LCN9: variants seen among roughly 807,000 people sequenced by gnomAD.
LCN9 encodes epididymal-specific lipocalin-9.
LCN9 carries 22 observed loss-of-function variants against 18.5 expected under a neutral mutation model. That is an observed-to-expected ratio of 1.19 (90% confidence interval 0.85 to 1.70). The LOEUF (loss-of-function observed/expected upper bound fraction) is 1.70, where lower values mean the gene tolerates loss of function less well. LCN9 is among the 40% of genes most tolerant of loss of function. LCN9 has a pLI of 0.00. For synonymous variants in LCN9, 89 were observed against 83.0 expected, an observed-to-expected ratio of 1.07 and a Z score of -0.39; for missense variants, 202 against 201.3, an observed-to-expected ratio of 1.00 and a Z score of -0.02.
At chr9:135,663,928 G>T (rs11103129) in intron 1 of LCN9, among the ~76,000 whole-genome samples, 5,484 of 133,952 alleles carry the variant, frequency 0.041, 183 homozygotes, top group Non-Finnish European at 0.065. Context: ...GGGAGACCTG[G>T]GGGGCAGCGG....
rs72770306 is a variant in LCN9, at chr9:135,666,494, A to G, written c.*643A>G. ...ATGCCCTTCACAGGCTCCAGGCACT[A>G]GGAAAGGAGCATGTCCTTTGAGGGA... On this transcript the variant is annotated 3_prime_UTR_variant, in exon 6 of 6. Transcript: ENST00000619315. 5.5e-3 allele frequency: 1,203 copies of G among 217,706 alleles called. 8 individuals are homozygous for G. Among genetic ancestry groups the G allele is most frequent in the Non-Finnish European group, 8.2e-3 (884 of 108,132 alleles). The allele number at this position is 217,706 out of a possible 1,614,324, so 13.5% of individuals were successfully genotyped here.
At position 135,665,686 on chromosome 9, in the gene LCN9, A is replaced by T; in HGVS notation, c.419-2A>T. On this transcript the variant is annotated splice_acceptor_variant, in intron 4 of 5. Transcript: ENST00000619315. LOFTEE classifies it high-confidence loss of function. This position sits in a 1 kb window ranked among gnomAD's most constrained non-coding sequence, Gnocchi z 5.9. Reference sequence around the variant, plus strand: ...ATAGCTGGAACCCTCCTTCCTGAGCAGATTTGAAGAAACCTGCGAAAAGTA... The same window carrying T: ...ATAGCTGGAACCCTCCTTCCTGAGCTGATTTGAAGAAACCTGCGAAAAGTA... 1 of 1,612,430 alleles carries T rather than the reference A, an allele frequency of 6.2e-7. No individual in the cohort carries two copies.
At position 135,665,891 on chromosome 9, in the gene LCN9, C is replaced by A. The variant is rs188934797; in HGVS notation, c.*40C>A. On this transcript the variant is annotated 3_prime_UTR_variant, in exon 6 of 6. Coordinates refer to ENST00000619315, the Ensembl canonical transcript of LCN9. This position sits in a 1 kb window ranked among gnomAD's most constrained non-coding sequence, Gnocchi z 5.9. ...TGCTACTCCAAGCATTACAGGAGCC[C>A]GCCCAGGCCTCCCATGCGTGAGCTG... The A allele has an allele frequency of 1.2e-6, 2 of 1,612,366 alleles. No individual in the cohort carries two copies. Among genetic ancestry groups the A allele is most frequent in the East Asian group, 4.5e-5 (2 of 44,808 alleles).
In LCN9 at chr9:135,664,901, C is replaced by T. The variant is rs952849411; in HGVS notation, c.307+106C>T. 2.0e-5 allele frequency: 24 copies of T among 1,224,598 alleles called. No individual in the cohort carries two copies. Among genetic ancestry groups the T allele is most frequent in the Middle Eastern group, 2.0e-4 (1 of 5,000 alleles). 75.9% of individuals were successfully genotyped at this position (1,224,598 alleles called of 1,614,324 possible). A position where few individuals can be genotyped will look rare whatever the true frequency, so the allele number is the denominator to read the frequency against. On this transcript the variant is annotated intron_variant, in intron 3 of 5. Transcript: ENST00000619315. This position sits in a 1 kb window ranked among gnomAD's most constrained non-coding sequence, Gnocchi z 4.5. ...CTGACTCTGGGGATTTTAGTTAAGCCCCTGACAGCTTGACCCTGAACTGGA... is the reference window on the plus strand; with the variant it reads ...CTGACTCTGGGGATTTTAGTTAAGCTCCTGACAGCTTGACCCTGAACTGGA...
rs754872307 is a variant in LCN9 at position 135,665,842 on chromosome 9, G to A, written c.*10-19G>A. ...CGGGGTCCCTGTCCCTGCGCTGAGA[G>A]CCCCCTCTGTCCTTCCAGATCCCTG... On this transcript the variant is annotated intron_variant, in intron 5 of 5. Coordinates refer to ENST00000619315, the Ensembl canonical transcript of LCN9. This position sits in a 1 kb window ranked among gnomAD's most constrained non-coding sequence, Gnocchi z 5.9. 6.2e-7 allele frequency: 1 copy of A among 1,612,368 alleles called. No homozygotes were observed. Among genetic ancestry groups the A allele is most frequent in the African/African-American group, 1.3e-5 (1 of 74,946 alleles).
chr9:135,664,694 T>C lies in LCN9; in HGVS notation c.234-28T>C, dbSNP rs1365085885. On this transcript the variant is annotated intron_variant, in intron 2 of 5. Coordinates refer to ENST00000619315, the Ensembl canonical transcript of LCN9. The surrounding 1 kb of genome is among the most constrained non-coding windows in gnomAD (Gnocchi z 4.5). ...CACGTCCAGGGGGCTGGAGCTCCAC[T>C]CCCGGCATCTTCCTGGCTGGCTTCC... 6.4e-7 allele frequency: 1 copy of C among 1,555,136 alleles called. No individual in the cohort carries two copies. The highest frequency in any genetic ancestry group is 8.7e-7 in the Non-Finnish European group (1 of 1,152,938).
Position 135,664,393 on chromosome 9 carries a change from C to G in LCN9, c.233+95C>G. 3 of 1,457,810 alleles carry G rather than the reference C, an allele frequency of 2.1e-6. No homozygotes were observed. The highest frequency in any genetic ancestry group is 1.9e-6 in the Non-Finnish European group (2 of 1,055,750). The allele number at this position is 1,457,810 out of a possible 1,614,324, so 90.3% of individuals were successfully genotyped here. A position where few individuals can be genotyped will look rare whatever the true frequency, so the allele number is the denominator to read the frequency against. The stretch of plus-strand genomic sequence containing the variant: ...TCTTGCACACACACGCTCGCACACT[C>G]ACTGACTTGCACTCTGGTGAGAGCC... On this transcript the variant is annotated intron_variant, in intron 2 of 5. Transcript: ENST00000619315. The surrounding 1 kb of genome is among the most constrained non-coding windows in gnomAD (Gnocchi z 4.5).
At position 135,665,498 on chromosome 9, in the gene LCN9, C is replaced by A; in HGVS notation, c.418+143C>A. The A allele has an allele frequency of 4.8e-6, 4 of 825,652 alleles. No homozygotes were observed. Among genetic ancestry groups the A allele is most frequent in the Non-Finnish European group, 7.8e-6 (4 of 509,894 alleles). The allele number at this position is 825,652 out of a possible 1,614,324, so 51.1% of individuals were successfully genotyped here. A position where few individuals can be genotyped will look rare whatever the true frequency, so the allele number is the denominator to read the frequency against. ...TTGGCTATTCCTTCCCACAGACACA[C>A]CGTTAGGGTGCTGGGTGCTTCAATC... On this transcript the variant is annotated intron_variant, in intron 4 of 5. Transcript: ENST00000619315. The surrounding 1 kb of genome is among the most constrained non-coding windows in gnomAD (Gnocchi z 5.9).
At chr9:135,666,049 T>C (rs1172185003) in exon 6 of LCN9, 2 of 1,599,464 alleles carry the variant, frequency 1.3e-6, no homozygotes, top group Non-Finnish European at 1.7e-6. Context: ...TGGTGAAAGA[T>C]GCTGTGAAAA....
At chr9:135,666,757 A>G (rs1834231509) in exon 6 of LCN9, among the ~76,000 whole-genome samples, 1 of 151,704 alleles carries the variant, frequency 6.6e-6, no homozygotes, top group Non-Finnish European at 1.5e-5. Context: ...GCAACCGGCA[A>G]CCAAGGCCCT....
In LCN9 at chr9:135,664,943, C is replaced by A. The variant is rs887399993; in HGVS notation, c.307+148C>A. On this transcript the variant is annotated intron_variant, in intron 3 of 5. Coordinates refer to ENST00000619315, the Ensembl canonical transcript of LCN9. This position sits in a 1 kb window ranked among gnomAD's most constrained non-coding sequence, Gnocchi z 4.5. ...TGAACTGGAGGGACCCATCCTGGCA[C>A]CTACCCAGGGGGGCTCCTGGCCCAG... 9.2e-6 allele frequency: 8 copies of A among 868,264 alleles called. No homozygotes were observed. The African/African-American group carries it at 1.0e-4, about 11-fold the overall frequency. 53.8% of individuals were successfully genotyped at this position (868,264 alleles called of 1,614,324 possible).
chr9:135,664,618 G>T lies in LCN9; in HGVS notation c.234-104G>T, dbSNP rs780359197. ...CTTGGGGCTGTGGAATGAGGCCTGG[G>T]CATTGGGAGGGTGAGCCTGTGCCCT... is the stretch of plus-strand genomic sequence containing the variant. On this transcript the variant is annotated intron_variant, in intron 2 of 5. Transcript: ENST00000619315. This position sits in a 1 kb window ranked among gnomAD's most constrained non-coding sequence, Gnocchi z 4.5. The T allele has an allele frequency of 2.3e-5, 24 of 1,044,602 alleles. No individual in the cohort carries two copies. The highest frequency in any genetic ancestry group is 3.2e-5 in the Non-Finnish European group (23 of 726,938). 64.7% of individuals were successfully genotyped at this position (1,044,602 alleles called of 1,614,324 possible).
intron 1 of LCN9, among the ~76,000 whole-genome samples, chr9:135,663,839 A>C (rs1168063075): frequency 1.6e-3 from 57 of 35,082 alleles, no homozygotes; most frequent in African/African-American, 4.7e-3. Context: ...TGTGGGGCAG[A>C]GGGGGCCCTG....
At chr9:135,663,699 C>T (rs1157018605) in intron 1 of LCN9, among the ~76,000 whole-genome samples, 7 of 146,928 alleles carry the variant, frequency 4.8e-5, no homozygotes, top group African/African-American at 1.8e-4. Context: ...GAGATGGGGG[C>T]CCTAAGAGGA....
rs1834203628 is a variant in LCN9 at position 135,665,545 on chromosome 9, G to A, written c.419-143G>A. The stretch of plus-strand genomic sequence containing the variant: ...AATCTGTCACCTCCCATCTCACTTG[G>A]CACAAAGCCCCTCTCTGGTCAGGGC... On this transcript the variant is annotated intron_variant, in intron 4 of 5. Coordinates refer to ENST00000619315, the Ensembl canonical transcript of LCN9. The surrounding 1 kb of genome is among the most constrained non-coding windows in gnomAD (Gnocchi z 5.9). 1.1e-6 allele frequency: 1 copy of A among 882,060 alleles called. No individual in the cohort carries two copies. Among genetic ancestry groups the A allele is most frequent in the Non-Finnish European group, 1.8e-6 (1 of 563,164 alleles). The allele number at this position is 882,060 out of a possible 1,614,324, so 54.6% of individuals were successfully genotyped here. A position where few individuals can be genotyped will look rare whatever the true frequency, so the allele number is the denominator to read the frequency against.
In LCN9 at chr9:135,665,605, A is replaced by G. The variant is rs1246462630; in HGVS notation, c.419-83A>G. The G allele has an allele frequency of 9.5e-6, 13 of 1,370,206 alleles. No individual in the cohort carries two copies. The highest frequency in any genetic ancestry group is 1.2e-5 in the Non-Finnish European group (12 of 983,778). The allele number at this position is 1,370,206 out of a possible 1,614,324, so 84.9% of individuals were successfully genotyped here. A position where few individuals can be genotyped will look rare whatever the true frequency, so the allele number is the denominator to read the frequency against. On this transcript the variant is annotated intron_variant, in intron 4 of 5. Coordinates refer to ENST00000619315, the Ensembl canonical transcript of LCN9. The surrounding 1 kb of genome is among the most constrained non-coding windows in gnomAD (Gnocchi z 5.9). The stretch of plus-strand genomic sequence containing the variant: ...TGCCCAGCCTCAGCACTTCCTGAGC[A>G]CCCCCAGCAAGGCCCAGCTTCACAC...
chr9:135,666,396 G>A (rs1354749189), exon 6 of LCN9: 3 of 433,596 alleles, frequency 6.9e-6, no homozygotes, highest in African/African-American at 4.1e-5. Flanking sequence ...ATTGGATTTC[G>A]GGCCCATCTT....
At position 135,664,038 on chromosome 9, in the gene LCN9, G is replaced by A. The variant is rs564480811; in HGVS notation, c.97-124G>A. 1.8e-5 allele frequency: 18 copies of A among 1,003,224 alleles called. No homozygotes were observed. The highest frequency in any genetic ancestry group is 1.3e-4 in the Admixed American group (5 of 39,042). The allele number at this position is 1,003,224 out of a possible 1,614,324, so 62.1% of individuals were successfully genotyped here. On this transcript the variant is annotated intron_variant, in intron 1 of 5. Transcript: ENST00000619315. The surrounding 1 kb of genome is among the most constrained non-coding windows in gnomAD (Gnocchi z 4.5). ...GGGGAGACCTGGGGGCACTGGAAGGGCGGAGGGGTTCTGGTTGGGAGCCAG... is the reference window on the plus strand; with the variant it reads ...GGGGAGACCTGGGGGCACTGGAAGGACGGAGGGGTTCTGGTTGGGAGCCAG...
chr9:135,664,900 C>T lies in LCN9; in HGVS notation c.307+105C>T. 4.9e-6 allele frequency: 6 copies of T among 1,222,564 alleles called. No homozygotes were observed. Among genetic ancestry groups the T allele is most frequent in the Non-Finnish European group, 6.9e-6 (6 of 869,058 alleles). 75.7% of individuals were successfully genotyped at this position (1,222,564 alleles called of 1,614,324 possible). A position where few individuals can be genotyped will look rare whatever the true frequency, so the allele number is the denominator to read the frequency against. On this transcript the variant is annotated intron_variant, in intron 3 of 5. Coordinates refer to ENST00000619315, the Ensembl canonical transcript of LCN9. The surrounding 1 kb of genome is among the most constrained non-coding windows in gnomAD (Gnocchi z 4.5). ...ACTGACTCTGGGGATTTTAGTTAAG[C>T]CCCTGACAGCTTGACCCTGAACTGG...
Sources: allele counts gnomAD v4.1 joint callset (sites outside exome capture counted in the v4.1 genomes callset), GRCh38; gene constraint gnomAD v4.1.1; non-coding constraint Gnocchi (gnomAD v3.1); transcripts MANE v1.5; gene names NCBI Gene and HGNC (gene_info 2026-07-23, HGNC 2026-07-21).